Variants in TRRAP observed in about 807,000 individuals in gnomAD.
TRRAP encodes transformation/transcription domain-associated protein.
TRRAP carries 41 observed loss-of-function variants against 438.8 expected under a neutral mutation model. The ratio of observed to expected loss-of-function variants is 0.09; its 90% CI spans 0.07 to 0.12. TRRAP has a LOEUF of 0.12. TRRAP is among the 10% of genes least tolerant of loss of function. TRRAP has a pLI of 1.00. For synonymous variants in TRRAP, 1,994 were observed against 1,962.9 expected (o/e 1.02, Z -0.42); for missense variants, 3,122 against 5,055.1 (o/e 0.62, Z 11.60).
chr7:99,005,152 T>G lies in TRRAP; in HGVS notation c.10557T>G (p.Ile3519Met). Residue 3519 changes from isoleucine to methionine, a missense_variant, in exon 69 of 73, where the codon ATT becomes ATG. Transcript: ENST00000456197. The surrounding 1 kb of genome is among the most constrained non-coding windows in gnomAD (Gnocchi z 5.1). ...GCAGGTTCATGCCCCGGGTAGAGAT[T>G]GTGCAGAAGCACAACACCGCAGCCC... The part of the protein sequence containing the change: ...KIARFMPRVE[I>M]VQKHNTAARR... The G allele has an allele frequency of 1.9e-6, 3 of 1,613,786 alleles. No individual in the cohort carries two copies. The highest frequency in any genetic ancestry group is 2.5e-6 in the Non-Finnish European group (3 of 1,180,012).
In TRRAP at chr7:98,994,626, T is replaced by G; in HGVS notation, c.10087T>G (p.Ser3363Ala). The change falls in exon 67 of 73, where the codon TCC becomes GCC. Residue 3363 changes from serine to alanine, a missense_variant. By Grantham distance (99) the Ser-to-Ala change is moderately conservative (BLOSUM62 1). Transcript: ENST00000456197. The surrounding 1 kb of genome is among the most constrained non-coding windows in gnomAD (Gnocchi z 4.8). ...CCAACAGGGCCTGGCGAAATGTTAC[T>G]CCGTGGCGTTTGAGAAAAGTGGAGC... Reference protein sequence around the residue: ...QLQQGLAKCYSVAFEKSGAVS... With the variant: ...QLQQGLAKCYAVAFEKSGAVS... 6.2e-7 allele frequency: 1 copy of G among 1,614,182 alleles called. No individual in the cohort carries two copies. Among genetic ancestry groups the G allele is most frequent in the Non-Finnish European group, 8.5e-7 (1 of 1,180,034 alleles).
Position 98,933,521 on chromosome 7 carries a change from G to A in TRRAP, c.4014+119G>A, listed in dbSNP as rs550107492. 16 of 1,373,242 alleles carry A rather than the reference G, an allele frequency of 1.2e-5. No individual in the cohort carries two copies. In the East Asian group the frequency reaches 3.3e-4, roughly 28 times the overall value. 85.1% of individuals were successfully genotyped at this position (1,373,242 alleles called of 1,614,324 possible). ...AGAAGGCTCGGGCGGGGACCTGCAG[G>A]TAACCCACTGACACCTGGCACAGCA... On this transcript the variant is annotated intron_variant, in intron 27 of 72. Transcript: ENST00000456197.
chr7:98,964,326 A>G (rs1366460496), intron 47 of TRRAP, among the ~76,000 whole-genome samples: 2 of 152,160 alleles, frequency 1.3e-5, no homozygotes, highest in Non-Finnish European at 2.9e-5. Flanking sequence ...TATAGGAGTA[A>G]AAACTTAGGG....
At chr7:98,881,391 G>A (rs1216860155) in intron 2 of TRRAP, 141 bp downstream of exon 2, 1 of 674,776 alleles carries the variant, frequency 1.5e-6, no homozygotes, top group African/African-American at 1.9e-5. Flanking sequence ...TGGCCAACAT[G>A]GTGAAACCAC....
chr7:98,938,135 A>G (rs1276545958), intron 30 of TRRAP, among the ~76,000 whole-genome samples: 3 of 152,164 alleles, frequency 2.0e-5, no homozygotes, highest in East Asian at 3.9e-4. Context: ...AGATTGTGCC[A>G]CTGCACTCCA....
chr7:98,990,053 C>A (rs975333203), intron 63 of TRRAP, among the ~76,000 whole-genome samples: 1 of 152,112 alleles, frequency 6.6e-6, no homozygotes, highest in Non-Finnish European at 1.5e-5. Flanking sequence ...CATGGCAAAA[C>A]CCCATCTCTA....
intron 67 of TRRAP, chr7:98,998,919 C>A: frequency 2.0e-6 from 1 of 495,282 alleles, no homozygotes; most frequent in South Asian, 3.4e-5. Context: ...CATGGTAGGT[C>A]AGTCTGCACA....
intron 5 of TRRAP, among the ~76,000 whole-genome samples, chr7:98,893,042 C>T (rs1796044540): frequency 6.6e-6 from 1 of 152,050 alleles, no homozygotes; most frequent in African/African-American, 2.4e-5. Flanking sequence ...TCCTCCACCT[C>T]CTGGGTTCAA....
chr7:98,986,953 T>G (rs170186), intron 62 of TRRAP, among the ~76,000 whole-genome samples: 44,256 of 152,042 alleles, frequency 0.29, 10,434 homozygotes, highest in African/African-American at 0.66. Context: ...CTGAAAAGTC[T>G]AGTCTTTCTC....
At chr7:98,913,445 C>T (rs1430770172) in intron 18 of TRRAP, among the ~76,000 whole-genome samples, 3 of 151,964 alleles carry the variant, frequency 2.0e-5, no homozygotes, top group Non-Finnish European at 2.9e-5. Context: ...CATGCCACCA[C>T]GTTTGGCTAA....
chr7:98,905,904 A>C (rs1554407447), intron 12 of TRRAP, among the ~76,000 whole-genome samples: 1 of 152,162 alleles, frequency 6.6e-6, no homozygotes, highest in African/African-American at 2.4e-5. Flanking sequence ...GATCTCTGCC[A>C]GGGGACACCA....
intron 6 of TRRAP, among the ~76,000 whole-genome samples, chr7:98,895,092 G>A (rs1796142450): frequency 6.6e-6 from 1 of 152,046 alleles, no homozygotes; most frequent in Non-Finnish European, 1.5e-5. Context: ...TTTTTGTAGA[G>A]ACAGAGTCTG....
intron 59 of TRRAP, among the ~76,000 whole-genome samples, chr7:98,982,654 G>A (rs1032017480): frequency 6.6e-6 from 1 of 152,206 alleles, no homozygotes; most frequent in Non-Finnish European, 1.5e-5. Context: ...GCTGAGGATT[G>A]TGGCCAGGGC....
At chr7:98,959,219 G>A (rs1301888486) in intron 44 of TRRAP, 125 bp from the exon 45 acceptor site, 1 of 1,320,324 alleles carries the variant, frequency 7.6e-7, no homozygotes, top group Admixed American at 2.2e-5. Flanking sequence ...CGGAAGAGAG[G>A]TGGCTGTGAG....
chr7:98,941,805 G>GACCA (rs1404420136), intron 30 of TRRAP, among the ~76,000 whole-genome samples: 1 of 152,172 alleles, frequency 6.6e-6, no homozygotes, highest in Non-Finnish European at 1.5e-5. Flanking sequence ...GTTTCATGAA[G>GACCA]ACCAGTTCAT....
chr7:98,930,944 A>G (rs1790296889), intron 25 of TRRAP, 114 bp downstream of exon 25: 1 of 1,345,624 alleles, frequency 7.4e-7, no homozygotes, highest in African/African-American at 1.5e-5. Flanking sequence ...GGTGACTTTG[A>G]TACTCAGATT....
chr7:98,927,059 T>G (rs1790081144), intron 22 of TRRAP, 108 bp from the exon 23 acceptor site: 1 of 1,224,774 alleles, frequency 8.2e-7, no homozygotes, highest in African/African-American at 1.5e-5. Context: ...CCCAGGCCTG[T>G]CTGAATAAGA....
At position 98,893,873 on chromosome 7, in the gene TRRAP, A is replaced by T. The variant is rs782664293; in HGVS notation, c.442A>T (p.Thr148Ser). 6.2e-7 allele frequency: 1 copy of T among 1,613,434 alleles called. No homozygotes were observed. Among genetic ancestry groups the T allele is most frequent in the South Asian group, 1.1e-5 (1 of 90,830 alleles). The change falls in exon 6 of 73, where the codon ACA (threonine) becomes TCA (serine). Residue 148 changes from threonine (T) to serine (S), a missense_variant. By Grantham distance (58) the Thr-to-Ser change is moderately conservative. Coordinates refer to ENST00000456197, the MANE Select transcript of TRRAP (RefSeq NM_001375524.1). ...ACACAAACAGTTCAGGCCACCGATCACACAAGAAGTAAGTTGTTTAAAATC... is the reference window on the plus strand; with the variant it reads ...ACACAAACAGTTCAGGCCACCGATCTCACAAGAAGTAAGTTGTTTAAAATC... ...ELHKQFRPPI[T>S]QEIHHFLDFV...
Position 98,990,548 on chromosome 7 carries a change from G to T in TRRAP, c.9685G>T (p.Ala3229Ser). ...TGGTGTGCCACCCATCCAGTGGCTG[G>T]CCTGGATCCCACAGCTGCTCACCTG... ...CIGVPPIQWLAWIPQLLTCLV... is the reference protein window; with the variant it reads ...CIGVPPIQWLSWIPQLLTCLV... The change falls in exon 64 of 73, where the codon GCC (alanine) becomes TCC (serine). Residue 3229 changes from alanine (A) to serine (S), a missense_variant. Physicochemically the swap from Ala to Ser is moderately conservative, Grantham distance 99. This residue lies in a region of TRRAP where 52 missense variants were observed against 88.3 expected (regional missense o/e 0.59). Transcript: ENST00000456197. 6.2e-7 allele frequency: 1 copy of T among 1,614,180 alleles called. No individual in the cohort carries two copies. Among genetic ancestry groups the T allele is most frequent in the Non-Finnish European group, 8.5e-7 (1 of 1,179,992 alleles).
Sources: allele counts gnomAD v4.1 joint callset (sites outside exome capture counted in the v4.1 genomes callset), GRCh38; gene constraint gnomAD v4.1.1; regional missense constraint gnomAD v4.1.1; non-coding constraint Gnocchi (gnomAD v3.1); transcripts MANE v1.5; gene names NCBI Gene and HGNC (gene_info 2026-07-23, HGNC 2026-07-21).